CAMTA1: variants seen among roughly 807,000 people sequenced by gnomAD.
CAMTA1 encodes the protein calmodulin-binding transcription activator 1.
A neutral mutation model predicts 170.9 loss-of-function variants in CAMTA1; 27 were observed. That is an observed-to-expected ratio of 0.16 (90% CI 0.12 to 0.22). CAMTA1 has a LOEUF of 0.22. Among genes scored for constraint, CAMTA1 ranks in the 10% least tolerant of loss-of-function variants. The pLI is 1.00. For missense variants in CAMTA1, 1,619 were observed against 2,217.2 expected (o/e 0.73, Z 5.42); for synonymous variants, 833 against 891.5 (o/e 0.93, Z 1.17).
Position 7,748,099 on chromosome 1 carries a change from G to T in CAMTA1, c.4689+318G>T, listed in dbSNP as rs191130904. On this transcript the variant is annotated intron_variant, in intron 19 of 22. Transcript: ENST00000303635. The surrounding 1 kb of genome is among the most constrained non-coding windows in gnomAD (Gnocchi z 4.7). Reference sequence around the variant, plus strand: ...AGCTGATTTTTCTAGTTTTAGTAGAGTCGGGGTTTCACCATGTTGCCAGGC... The same window carrying T: ...AGCTGATTTTTCTAGTTTTAGTAGATTCGGGGTTTCACCATGTTGCCAGGC... Among the ~76,000 whole-genome samples the T allele has an allele frequency of 7.9e-5, 12 of 152,052 alleles. 2 individuals are homozygous for T. Among genetic ancestry groups the T allele is most frequent in the African/African-American group, 2.9e-4 (12 of 41,462 alleles).
In CAMTA1 at chr1:7,657,285, C is replaced by T. The variant is rs2149101642; in HGVS notation, c.665-4441C>T. Among the ~76,000 whole-genome samples the T allele has an allele frequency of 3.9e-5, 6 of 152,324 alleles. No homozygotes were observed. In the South Asian group the frequency reaches 1.2e-3, roughly 32 times the overall value. On this transcript the variant is annotated intron_variant, in intron 7 of 22. Coordinates refer to ENST00000303635, the MANE Select transcript of CAMTA1 (RefSeq NM_015215.4). ...ACCACCTGAGCAGACCAGGGACCAC[C>T]ACCAAGGCTCCAACTATGGGGAGCT...
intron 6 of CAMTA1, among the ~76,000 whole-genome samples, chr1:7,596,249 G>T (rs1428293963): frequency 6.6e-6 from 1 of 152,232 alleles, no homozygotes; most frequent in Non-Finnish European, 1.5e-5. Flanking sequence ...CAAAGCTGGG[G>T]CCTGTCTGCC....
chr1:7,062,233 T>G (rs1326585830), intron 3 of CAMTA1, among the ~76,000 whole-genome samples: 1 of 152,170 alleles, frequency 6.6e-6, no homozygotes, highest in Admixed American at 6.5e-5. Flanking sequence ...ATTATATTTT[T>G]AAAGTATATA....
intron 11 of CAMTA1, chr1:7,698,615 G>A (rs1381360047): frequency 6.6e-6 from 1 of 152,178 alleles, no homozygotes; most frequent in African/African-American, 2.4e-5. Flanking sequence ...CTCAGCTGGA[G>A]ATGTTTGAGG....
chr1:7,391,193 C>T (rs893711223), intron 5 of CAMTA1, among the ~76,000 whole-genome samples: 7 of 152,152 alleles, frequency 4.6e-5, no homozygotes, highest in Non-Finnish European at 1.0e-4. Context: ...GATGGGGTTT[C>T]TCCATGTTGG....
rs1423439749 is a variant in CAMTA1, at chr1:7,031,768, C to A, written c.235-59536C>A. 2.6e-5 allele frequency among the ~76,000 whole-genome samples: 4 copies of A among 151,924 alleles called. No individual in the cohort carries two copies. The South Asian group carries it at 8.3e-4, about 32-fold the overall frequency. ...GTGTTAGCCAGGATGGTGTTGATCT[C>A]CTGACCTTGTGATCTGCCCACCTTG... On this transcript the variant is annotated intron_variant, in intron 3 of 22. Transcript: ENST00000303635.
intron 3 of CAMTA1, among the ~76,000 whole-genome samples, chr1:7,020,145 A>G (rs1319963257): frequency 6.6e-6 from 1 of 152,254 alleles, no homozygotes; most frequent in Admixed American, 6.5e-5. Context: ...TCTGTTCAGG[A>G]GTATGAATTG....
chr1:6,895,142 A>G (rs1368891906), intron 3 of CAMTA1, among the ~76,000 whole-genome samples: 1 of 152,180 alleles, frequency 6.6e-6, no homozygotes, highest in Non-Finnish European at 1.5e-5. Context: ...GACAGGGTGC[A>G]GTGTTCTCTG....
intron 3 of CAMTA1, among the ~76,000 whole-genome samples, chr1:7,091,042 G>A (rs536892242): frequency 2.6e-5 from 4 of 152,250 alleles, no homozygotes; most frequent in African/African-American, 9.6e-5. Flanking sequence ...ATGTCTTCCT[G>A]CCACAGAGAA....
chr1:6,873,366 C>T (rs2149004022), intron 3 of CAMTA1, among the ~76,000 whole-genome samples: 1 of 152,088 alleles, frequency 6.6e-6, no homozygotes, highest in East Asian at 1.9e-4. Flanking sequence ...ATGCCATGTC[C>T]TTCTAGCACT....
At chr1:6,914,584 G>A (rs968778436) in intron 3 of CAMTA1, among the ~76,000 whole-genome samples, 21 of 152,186 alleles carry the variant, frequency 1.4e-4, no homozygotes, top group Admixed American at 9.2e-4. Flanking sequence ...TGTGGCCTCC[G>A]ACTAGTGGTT....
At chr1:7,232,086 G>T (rs1662940566) in intron 4 of CAMTA1, among the ~76,000 whole-genome samples, 1 of 152,200 alleles carries the variant, frequency 6.6e-6, no homozygotes. Flanking sequence ...GGTGGTCCCC[G>T]CAGAGAGAGC....
intron 6 of CAMTA1, among the ~76,000 whole-genome samples, chr1:7,540,783 G>T (rs914687865): frequency 6.6e-6 from 1 of 152,176 alleles, no homozygotes; most frequent in Non-Finnish European, 1.5e-5. Flanking sequence ...AAAAAAAAAG[G>T]TCAAGAAAAC....
chr1:6,842,017 G>T (rs1655942196), intron 3 of CAMTA1, among the ~76,000 whole-genome samples: 1 of 152,140 alleles, frequency 6.6e-6, no homozygotes, highest in Non-Finnish European at 1.5e-5. Flanking sequence ...CCATGATCTT[G>T]CCCAGACTCA....
chr1:6,949,359 C>T (rs564085271), intron 3 of CAMTA1, among the ~76,000 whole-genome samples: 62 of 152,362 alleles, frequency 4.1e-4, no homozygotes, highest in African/African-American at 1.4e-3. Flanking sequence ...CCGCTTTGAA[C>T]GCCCTCGAGG....
intron 5 of CAMTA1, among the ~76,000 whole-genome samples, chr1:7,348,254 G>A (rs1234321905): frequency 2.0e-5 from 3 of 152,204 alleles, no homozygotes; most frequent in Non-Finnish European, 4.4e-5. Context: ...CAGCTTCAGC[G>A]TTCTGGCCTT....
chr1:6,924,865 T>C (rs1181988289), intron 3 of CAMTA1, among the ~76,000 whole-genome samples: 2 of 152,246 alleles, frequency 1.3e-5, no homozygotes, highest in African/African-American at 4.8e-5. Flanking sequence ...ATAGTGATTT[T>C]GATGAACTCT....
intron 6 of CAMTA1, among the ~76,000 whole-genome samples, chr1:7,614,736 G>A (rs543801400): frequency 6.6e-6 from 1 of 152,242 alleles, no homozygotes; most frequent in Admixed American, 6.5e-5. Flanking sequence ...CCTGGCCCAG[G>A]CTAGACTGTG....
intron 3 of CAMTA1, among the ~76,000 whole-genome samples, chr1:6,845,150 A>C (rs1160410861): frequency 6.6e-6 from 1 of 152,174 alleles, no homozygotes; most frequent in Non-Finnish European, 1.5e-5. Context: ...ACGGGACCAC[A>C]AAGGAAAGCT....
Sources: allele counts gnomAD v4.1 joint callset (sites outside exome capture counted in the v4.1 genomes callset), GRCh38; gene constraint gnomAD v4.1.1; non-coding constraint Gnocchi (gnomAD v3.1); transcripts MANE v1.5; gene names NCBI Gene and HGNC (gene_info 2026-07-23, HGNC 2026-07-21).